SGPP2: variants seen among roughly 807,000 people sequenced by gnomAD.
The protein encoded by SGPP2 is sphingosine 1-phosphate phosphohydrolase 2.
In SGPP2, 30 loss-of-function variants were observed where a neutral mutation model predicts 33.9. The ratio of observed to expected loss-of-function variants is 0.89; its 90% CI spans 0.66 to 1.20. SGPP2 has a LOEUF of 1.20. Ranked by LOEUF, SGPP2 falls within the 50% of genes most tolerant of loss-of-function variation. The pLI, the probability that SGPP2 is intolerant of heterozygous loss-of-function variation, is 0.00. For synonymous variants in SGPP2, 233 were observed against 225.0 expected (o/e 1.04, Z -0.32); for missense variants, 458 against 532.1 (o/e 0.86, Z 1.37).
chr2:222,511,976 C>G (rs1329829969), intron 2 of SGPP2, among the ~76,000 whole-genome samples: 1 of 151,042 alleles, frequency 6.6e-6, no homozygotes, highest in Non-Finnish European at 1.5e-5. Context: ...CCATGCCTGG[C>G]CCGCCACAGT....
intron 1 of SGPP2, among the ~76,000 whole-genome samples, chr2:222,454,693 T>C (rs1293220210): frequency 6.6e-6 from 1 of 150,730 alleles, no homozygotes; most frequent in Admixed American, 6.6e-5. Flanking sequence ...CTCATTCCCT[T>C]CTGTGAAAAT....
At chr2:222,424,489 G>T (rs1444364747), upstream of SGPP2, 3 of 701,626 alleles carry the variant, frequency 4.3e-6, no homozygotes, top group Non-Finnish European at 3.7e-6. Context: ...GGCCCCGCCC[G>T]CCCGGCCTCC....
At chr2:222,533,294 C>T (rs1698865732) in intron 4 of SGPP2, among the ~76,000 whole-genome samples, 2 of 152,134 alleles carry the variant, frequency 1.3e-5, no homozygotes, top group Non-Finnish European at 2.9e-5. Flanking sequence ...TCATGTATCC[C>T]AGCTCCCGAC....
chr2:222,443,361 A>G (rs1697354412), intron 1 of SGPP2, among the ~76,000 whole-genome samples: 1 of 151,850 alleles, frequency 6.6e-6, no homozygotes, highest in Non-Finnish European at 1.5e-5. Context: ...TCATTTTTCA[A>G]CCCTTGTCCC....
chr2:222,428,959 T>A (rs1697112725), intron 1 of SGPP2, among the ~76,000 whole-genome samples: 1 of 151,726 alleles, frequency 6.6e-6, no homozygotes, highest in Admixed American at 6.6e-5. Flanking sequence ...GTCCAGCTAA[T>A]TTTTGTATTT....
intron 1 of SGPP2, among the ~76,000 whole-genome samples, chr2:222,455,323 C>T (rs552200749): frequency 3.0e-4 from 45 of 152,230 alleles, no homozygotes; most frequent in Middle Eastern, 6.8e-3. Flanking sequence ...GAGAAGGCAT[C>T]TCTGAACGGA....
At chr2:222,503,346 C>T (rs1343703174) in intron 2 of SGPP2, among the ~76,000 whole-genome samples, 1 of 152,074 alleles carries the variant, frequency 6.6e-6, no homozygotes, top group Non-Finnish European at 1.5e-5. Flanking sequence ...CATATTAAGG[C>T]TAAAATAAAG....
rs777043837 is a variant in SGPP2 at position 222,474,591 on chromosome 2, G to A, written c.243G>A (p.Val81=). ...APEAYVQKYV[V]KNYFYYYLFQ... is the part of the protein sequence containing the mutation. ...AGGCTTATGTACAGAAGTACGTCGTGAAGAATTATTTCTACTATTACCTAT... is the reference window on the plus strand; with the variant it reads ...AGGCTTATGTACAGAAGTACGTCGTAAAGAATTATTTCTACTATTACCTAT... The change falls in exon 2 of 5, where the codon GTG becomes GTA. Residue 81 remains valine, a synonymous_variant. Transcript: ENST00000321276. The A allele has an allele frequency of 6.2e-7, 1 of 1,614,006 alleles. No homozygotes were observed.
chr2:222,548,244 G>A (rs548045457), intron 4 of SGPP2, among the ~76,000 whole-genome samples: 1 of 152,258 alleles, frequency 6.6e-6, no homozygotes, highest in African/African-American at 2.4e-5. Flanking sequence ...CATATGACAT[G>A]GAAATCAGGT....
At chr2:222,493,260 C>A (rs530270756) in intron 2 of SGPP2, among the ~76,000 whole-genome samples, 2 of 152,180 alleles carry the variant, frequency 1.3e-5, no homozygotes, top group African/African-American at 4.8e-5. Context: ...GGGAAGGCCC[C>A]AGGAAACTCA....
At chr2:222,445,198 C>G (rs1022491826) in intron 1 of SGPP2, among the ~76,000 whole-genome samples, 1 of 152,186 alleles carries the variant, frequency 6.6e-6, no homozygotes, top group Non-Finnish European at 1.5e-5. Context: ...CCTCCTTGAA[C>G]CTCAGAGCAG....
intron 4 of SGPP2, among the ~76,000 whole-genome samples, chr2:222,544,513 A>G (rs778321686): frequency 6.6e-6 from 1 of 152,198 alleles, no homozygotes. Context: ...TTTGCATATA[A>G]TCAATGCCTA....
intron 4 of SGPP2, among the ~76,000 whole-genome samples, chr2:222,553,087 G>A (rs1304762658): frequency 6.6e-6 from 1 of 152,156 alleles, no homozygotes; most frequent in East Asian, 1.9e-4. Context: ...TTAGAAGAAA[G>A]GCAGGCAACA....
intron 4 of SGPP2, among the ~76,000 whole-genome samples, chr2:222,554,808 G>GCCCACC (rs1689359537): frequency 6.6e-6 from 1 of 152,088 alleles, no homozygotes; most frequent in Non-Finnish European, 1.5e-5. Context: ...CAACAAAAGA[G>GCCCACC]AGCACCAGCT....
intron 4 of SGPP2, among the ~76,000 whole-genome samples, chr2:222,530,043 CAAT>C (rs1000033695): frequency 7.9e-5 from 12 of 152,136 alleles, no homozygotes; most frequent in Non-Finnish European, 1.2e-4. Flanking sequence ...TGTCCATGAG[CAAT>C]AATATTTTGA....
intron 2 of SGPP2, among the ~76,000 whole-genome samples, chr2:222,513,089 A>G (rs1330126705): frequency 2.6e-5 from 4 of 152,180 alleles, no homozygotes; most frequent in Admixed American, 1.3e-4. Context: ...TTGCATTCCT[A>G]TAAGCAATGA....
rs1479176610 is a variant in SGPP2, at chr2:222,432,977, T to C, written c.219+8156T>C. 2.6e-5 allele frequency among the ~76,000 whole-genome samples: 4 copies of C among 151,180 alleles called. No individual in the cohort carries two copies. The East Asian group carries it at 7.8e-4, about 30-fold the overall frequency. On this transcript the variant is annotated intron_variant, in intron 1 of 4. Transcript: ENST00000321276. ...CAGAGGTTGCGGTAAGCCAAAATCA[T>C]GCCTTTGCACTCCAGCCTGGGCAAT...
rs1697728373 is a variant in SGPP2, at chr2:222,465,285, C to T, written c.220-9283C>T. On this transcript the variant is annotated intron_variant, in intron 1 of 4. Coordinates refer to ENST00000321276, the MANE Select transcript of SGPP2 (RefSeq NM_152386.4). The surrounding 1 kb of genome is among the most constrained non-coding windows in gnomAD (Gnocchi z 4.1). ...CACCCAACTTGTAATTCTATCTGGA[C>T]TTGAAGATGAAAGAAGAAGCCCTCG... 6.6e-6 allele frequency among the ~76,000 whole-genome samples: 1 copy of T among 152,232 alleles called. No homozygotes were observed. Among genetic ancestry groups the T allele is most frequent in the South Asian group, 2.1e-4 (1 of 4,838 alleles).
At chr2:222,466,871 A>C (rs1287199814) in intron 1 of SGPP2, among the ~76,000 whole-genome samples, 1 of 152,186 alleles carries the variant, frequency 6.6e-6, no homozygotes, top group African/African-American at 2.4e-5. Flanking sequence ...TCAGGGAGGC[A>C]TGTCTTACCT....
Sources: gnomAD v4.1 joint callset for allele counts (sites outside exome capture counted in the v4.1 genomes callset) on GRCh38, gnomAD v4.1.1 for gene constraint, Gnocchi (gnomAD v3.1) non-coding constraint, MANE v1.5 for transcripts, NCBI Gene and HGNC (gene_info 2026-07-23, HGNC 2026-07-21) for gene names.